The following CSMD1 variants were observed in gnomAD, a reference collection of about 807,000 sequenced individuals.
The protein encoded by CSMD1 is CUB and sushi domain-containing protein 1.
In CSMD1, 213 loss-of-function variants were observed where a neutral mutation model predicts 417.5. The ratio of observed to expected loss-of-function variants is 0.51; its 90% CI spans 0.46 to 0.57. The LOEUF is 0.57. CSMD1 is among the 20% of genes least tolerant of loss of function. The pLI is 0.00. For synonymous variants in CSMD1, 2,862 were observed against 1,736.8 expected (o/e 1.65, Z -16.11); for missense variants, 6,923 against 4,529.7 (o/e 1.53, Z -15.17).
At chr8:4,068,311 G>A (rs769500005) in intron 3 of CSMD1, among the ~76,000 whole-genome samples, 4 of 152,152 alleles carry the variant, frequency 2.6e-5, no homozygotes, top group Admixed American at 1.3e-4. Context: ...GTGTATTGCG[G>A]GAGAGCTGTG....
chr8:3,676,416 C>A (rs138189342), intron 7 of CSMD1, among the ~76,000 whole-genome samples: 173 of 152,276 alleles, frequency 1.1e-3, no homozygotes, highest in East Asian at 9.6e-3. Context: ...CTGGACACGC[C>A]ACAGGCACCC....
At chr8:3,703,139 C>G (rs1019981409) in intron 7 of CSMD1, among the ~76,000 whole-genome samples, 7 of 152,104 alleles carry the variant, frequency 4.6e-5, no homozygotes, top group African/African-American at 1.7e-4. Context: ...TGATTACAAG[C>G]TGGTGAAAAA....
intron 68 of CSMD1, among the ~76,000 whole-genome samples, chr8:2,945,922 G>A (rs187268473): frequency 2.6e-5 from 4 of 152,284 alleles, no homozygotes; most frequent in Admixed American, 2.6e-4. Context: ...TTTCTAAAGA[G>A]CATTATTGAA....
At chr8:3,819,737 T>C (rs928148127) in intron 5 of CSMD1, among the ~76,000 whole-genome samples, 5 of 152,114 alleles carry the variant, frequency 3.3e-5, no homozygotes, top group Admixed American at 1.3e-4. Flanking sequence ...CAGGCACATG[T>C]GGTACCATGA....
intron 3 of CSMD1, among the ~76,000 whole-genome samples, chr8:4,035,917 C>A (rs1365466403): frequency 6.6e-6 from 1 of 152,186 alleles, no homozygotes; most frequent in Non-Finnish European, 1.5e-5. Flanking sequence ...CAGACTCACC[C>A]AGAGCAACTT....
rs113936535 is a variant in CSMD1, at chr8:4,824,875, G to A, written c.85+169457C>T. Among the ~76,000 whole-genome samples the A allele has an allele frequency of 5.0e-3, 765 of 152,228 alleles. 6 individuals carry two copies. The highest frequency in any genetic ancestry group is 0.018 in the African/African-American group (746 of 41,564). ...CTCCAAGTGAAATGTCATTGTAATA[G>A]AACGTGGCCACAGGGTAATGGGCTG... On this transcript the variant is annotated intron_variant, in intron 1 of 69. Transcript: ENST00000635120.
At chr8:3,619,575 A>G (rs1264732677) in intron 7 of CSMD1, among the ~76,000 whole-genome samples, 1 of 152,204 alleles carries the variant, frequency 6.6e-6, no homozygotes, top group East Asian at 1.9e-4. Context: ...GAGGAAAGAC[A>G]TAGATGTACA....
chr8:4,619,006 G>C (rs954607154), intron 2 of CSMD1, among the ~76,000 whole-genome samples: 1 of 152,056 alleles, frequency 6.6e-6, no homozygotes, highest in African/African-American at 2.4e-5. Context: ...TTAAAATACT[G>C]CAATTCTATT....
intron 3 of CSMD1, among the ~76,000 whole-genome samples, chr8:4,051,216 G>A (rs1356835225): frequency 1.2e-4 from 18 of 151,716 alleles, no homozygotes; most frequent in Admixed American, 1.1e-3. Context: ...AGCCTCCCAG[G>A]GACCAGGCCT....
chr8:3,005,314 A>T (rs1175374569), intron 52 of CSMD1, among the ~76,000 whole-genome samples: 1 of 152,130 alleles, frequency 6.6e-6, no homozygotes, highest in Non-Finnish European at 1.5e-5. Flanking sequence ...AGTCTACTCT[A>T]TTCTGTGTCT....
intron 5 of CSMD1, among the ~76,000 whole-genome samples, chr8:3,880,117 C>A (rs556197539): frequency 6.6e-6 from 1 of 152,074 alleles, no homozygotes; most frequent in South Asian, 2.1e-4. Flanking sequence ...CATTTACTGT[C>A]ACAAGTTTCT....
At chr8:4,189,275 C>T (rs1032087707) in intron 3 of CSMD1, among the ~76,000 whole-genome samples, 1 of 152,174 alleles carries the variant, frequency 6.6e-6, no homozygotes, top group Non-Finnish European at 1.5e-5. Flanking sequence ...GAAACACTTC[C>T]TATCTCTTTA....
intron 49 of CSMD1, among the ~76,000 whole-genome samples, chr8:3,072,950 G>A (rs1813415022): frequency 6.6e-6 from 1 of 151,980 alleles, no homozygotes; most frequent in Non-Finnish European, 1.5e-5. Flanking sequence ...GACAAAATTG[G>A]CTTGGAAAAA....
chr8:4,033,692 T>A (rs1363894225), intron 3 of CSMD1, among the ~76,000 whole-genome samples: 1 of 152,208 alleles, frequency 6.6e-6, no homozygotes, highest in African/African-American at 2.4e-5. Flanking sequence ...AATAAATCTC[T>A]TCAAATATTT....
chr8:4,107,794 A>G (rs1801643997), intron 3 of CSMD1, among the ~76,000 whole-genome samples: 2 of 152,170 alleles, frequency 1.3e-5, no homozygotes, highest in African/African-American at 4.8e-5. Context: ...GCTGTTAATA[A>G]CTGACAGGCA....
chr8:4,272,414 A>G (rs1449751838), intron 3 of CSMD1, among the ~76,000 whole-genome samples: 1 of 152,192 alleles, frequency 6.6e-6, no homozygotes, highest in Non-Finnish European at 1.5e-5. Flanking sequence ...AATGAGGATT[A>G]CATATATCAT....
chr8:4,420,059 C>G lies in CSMD1; in HGVS notation c.309G>C (p.Ser103=). 6.4e-7 allele frequency: 1 copy of G among 1,555,696 alleles called. No homozygotes were observed. The highest frequency in any genetic ancestry group is 8.7e-7 in the Non-Finnish European group (1 of 1,147,238). The change falls in exon 3 of 70, where the codon TCG becomes TCC. Residue 103 remains serine (S), a synonymous_variant. Transcript: ENST00000635120. ...CTATAGAGGAGGGCAGCTGAAATCC[C>G]GATAATCTAAATTTAAAAGACAAGA... The part of the protein sequence containing the change: ...PQQGNLKVRL[S]GFQLPSSIVS...
intron 8 of CSMD1, among the ~76,000 whole-genome samples, chr8:3,608,173 C>CAAAA (rs5888975): frequency 2.1e-5 from 2 of 97,344 alleles, no homozygotes; most frequent in Admixed American, 1.1e-4. Context: ...GAAGCCATCT[C>CAAAA]AAAAAAAAAA....
chr8:4,373,734 G>A (rs1438575287), intron 3 of CSMD1, among the ~76,000 whole-genome samples: 1 of 152,126 alleles, frequency 6.6e-6, no homozygotes, highest in Non-Finnish European at 1.5e-5. Flanking sequence ...CTCCGGGGAA[G>A]GAACACTGTG....
Sources: gnomAD v4.1 joint callset for allele counts (sites outside exome capture counted in the v4.1 genomes callset) on GRCh38, gnomAD v4.1.1 for gene constraint, MANE v1.5 for transcripts, NCBI Gene and HGNC (gene_info 2026-07-23, HGNC 2026-07-21) for gene names.